The following LRP6 variants were observed in gnomAD, a reference collection of about 807,000 sequenced individuals.
LRP6 encodes the protein low-density lipoprotein receptor-related protein 6.
A neutral mutation model predicts 184.1 loss-of-function variants in LRP6; 43 were observed. The observed-to-expected ratio is 0.23, with a 90% CI of 0.18 to 0.30. LRP6 has a LOEUF of 0.30. LRP6 is among the 10% of genes least tolerant of loss of function. The pLI, the probability that LRP6 is intolerant of heterozygous loss-of-function variation, is 1.00. For missense variants in LRP6, 1,571 were observed against 2,005.3 expected (o/e 0.78, Z 4.14); for synonymous variants, 719 against 684.9 (o/e 1.05, Z -0.78).
chr12:12,172,391 C>T (rs953604806), intron 7 of LRP6, among the ~76,000 whole-genome samples: 1 of 152,220 alleles, frequency 6.6e-6, no homozygotes, highest in Non-Finnish European at 1.5e-5. Context: ...ATTTCATCAG[C>T]TCATTAAATG....
At position 12,244,648 on chromosome 12, in the gene LRP6, A is replaced by T. The variant is rs149735935; in HGVS notation, c.63T>A (p.Pro21=). 352 of 1,613,894 alleles carry T rather than the reference A, an allele frequency of 2.2e-4. 1 individual carries two copies. Among genetic ancestry groups the T allele is most frequent in the Non-Finnish European group, 2.8e-5 (33 of 1,180,010 alleles). ...CSFCVLLRAA[P]LLLYANRRDL... ...CCCGTCTGTTTGCATAAAGCAACAA[A>T]GGGGCCGCTAGAACAAAAAAAGAAA... The change falls in exon 2 of 23, where the codon CCT becomes CCA. Residue 21 remains proline, a synonymous_variant. Coordinates refer to ENST00000261349, the MANE Select transcript of LRP6 (RefSeq NM_002336.3).
At chr12:12,130,589 C>T (rs1439938940) in intron 19 of LRP6, among the ~76,000 whole-genome samples, 194 bp downstream of exon 19, 1 of 152,132 alleles carries the variant, frequency 6.6e-6, no homozygotes, top group East Asian at 1.9e-4. Context: ...GTGAAGATTT[C>T]TGTGCATAAG....
chr12:12,214,819 C>T (rs368683073), intron 2 of LRP6, among the ~76,000 whole-genome samples: 4 of 152,338 alleles, frequency 2.6e-5, no homozygotes, highest in East Asian at 3.9e-4. Context: ...TTGAATCTTA[C>T]ATTTGTTTTA....
intron 7 of LRP6, among the ~76,000 whole-genome samples, chr12:12,174,930 T>A (rs1252962531): frequency 2.6e-5 from 4 of 152,240 alleles, no homozygotes; most frequent in Non-Finnish European, 5.9e-5. Context: ...GGACATTGTA[T>A]CCTCTTAAAG....
chr12:12,148,579 A>C (rs1341911459), intron 14 of LRP6, among the ~76,000 whole-genome samples: 2 of 152,222 alleles, frequency 1.3e-5, no homozygotes, highest in Non-Finnish European at 2.9e-5. Flanking sequence ...GAAAGGACTA[A>C]GTATAACTTA....
At chr12:12,197,204 A>G (rs1863785381) in intron 3 of LRP6, among the ~76,000 whole-genome samples, 1 of 152,216 alleles carries the variant, frequency 6.6e-6, no homozygotes, top group African/African-American at 2.4e-5. Context: ...GGAATTCTAC[A>G]GTCATTTCTC....
intron 15 of LRP6, among the ~76,000 whole-genome samples, chr12:12,145,631 T>C (rs1406187174): frequency 7.1e-5 from 9 of 126,082 alleles, no homozygotes; most frequent in Admixed American, 2.2e-4. Flanking sequence ...TTTCTTTTTT[T>C]TTTTTTTTTT....
intron 5 of LRP6, among the ~76,000 whole-genome samples, chr12:12,181,889 C>T (rs1417002547): frequency 1.3e-5 from 2 of 152,122 alleles, no homozygotes; most frequent in Non-Finnish European, 2.9e-5. Flanking sequence ...GTGATAACTG[C>T]GTAACTCTGT....
At chr12:12,254,564 ATTATTT>A (rs1283831854) in intron 1 of LRP6, among the ~76,000 whole-genome samples, 1 of 152,130 alleles carries the variant, frequency 6.6e-6, no homozygotes, top group East Asian at 1.9e-4. Flanking sequence ...AAAAACTCTT[ATTATTT>A]TTATTTTCAT....
chr12:12,229,861 A>G (rs1210961815), intron 2 of LRP6, among the ~76,000 whole-genome samples: 1 of 152,318 alleles, frequency 6.6e-6, no homozygotes, highest in Non-Finnish European at 1.5e-5. Flanking sequence ...TTTGGCCTCA[A>G]TTAGCTTTAT....
At chr12:12,210,667 G>A (rs1303214054) in intron 2 of LRP6, among the ~76,000 whole-genome samples, 1 of 152,182 alleles carries the variant, frequency 6.6e-6, no homozygotes, top group Non-Finnish European at 1.5e-5. Flanking sequence ...AAGTAACTCT[G>A]AAAGGACCTA....
intron 2 of LRP6, among the ~76,000 whole-genome samples, chr12:12,210,171 T>C (rs1482336830): frequency 1.3e-5 from 2 of 152,132 alleles, no homozygotes; most frequent in Non-Finnish European, 2.9e-5. Context: ...AGGGACTGGC[T>C]AGAGGAAGAA....
rs1345211383 is a variant in LRP6 at position 12,179,887 on chromosome 12, C to T, written c.1468G>A (p.Gly490Ser). Reference protein sequence around the residue: ...DRVVLVNTSLGWPNGLALDYD... With the variant: ...DRVVLVNTSLSWPNGLALDYD... ...TCCAAGGCTAAACCATTTGGCCAACCAAGAGAAGTGTTAACCAATACTACA... is the reference window on the plus strand; with the variant it reads ...TCCAAGGCTAAACCATTTGGCCAACTAAGAGAAGTGTTAACCAATACTACA... Residue 490 changes from glycine (G) to serine (S), a missense_variant, in exon 7 of 23, where the codon GGT becomes AGT. Physicochemically the swap from Gly to Ser is moderately conservative, Grantham distance 56. This residue lies in a region of LRP6 where 640 missense variants were observed against 851.9 expected (regional missense o/e 0.75). Transcript: ENST00000261349. 1.2e-6 allele frequency: 2 copies of T among 1,613,854 alleles called. No homozygotes were observed. Among genetic ancestry groups the T allele is most frequent in the Non-Finnish European group, 8.5e-7 (1 of 1,179,862 alleles).
intron 14 of LRP6, among the ~76,000 whole-genome samples, chr12:12,148,490 T>C (rs777259974): frequency 1.3e-5 from 2 of 152,184 alleles, no homozygotes; most frequent in South Asian, 2.1e-4. Flanking sequence ...AAAGAAAGCA[T>C]ACTAGTTCTC....
chr12:12,249,974 A>G (rs975518483), intron 1 of LRP6, among the ~76,000 whole-genome samples: 1 of 152,132 alleles, frequency 6.6e-6, no homozygotes, highest in Admixed American at 6.5e-5. Flanking sequence ...CTAGTCTGAC[A>G]ATTACTGTCT....
intron 2 of LRP6, among the ~76,000 whole-genome samples, chr12:12,208,979 A>G (rs1373650753): frequency 1.3e-5 from 2 of 152,236 alleles, no homozygotes; most frequent in Non-Finnish European, 2.9e-5. Context: ...TCTTTTCTCT[A>G]TTAATGCATA....
At position 12,162,248 on chromosome 12, in the gene LRP6, A is replaced by C; in HGVS notation, c.2224T>G (p.Leu742Val). The C allele has an allele frequency of 6.2e-7, 1 of 1,614,162 alleles. No homozygotes were observed. Among genetic ancestry groups the C allele is most frequent in the Non-Finnish European group, 8.5e-7 (1 of 1,180,020 alleles). ...SKLDGQHRQV[L>V]VWKDLDSPRA... ...GGACTATCTAGGTCTTTCCACACCA[A>C]AACTTGTCGGTGCTGCCCATCCAAC... Residue 742 changes from leucine (L) to valine (V), a missense_variant, in exon 10 of 23, where the codon TTG becomes GTG. Around this residue, in one of 4 missense-constraint regions of LRP6, gnomAD observed 158 missense variants for 258.4 expected, o/e 0.61. Transcript: ENST00000261349.
At chr12:12,260,910 T>TA (rs1437846147) in intron 1 of LRP6, among the ~76,000 whole-genome samples, 3 of 152,216 alleles carry the variant, frequency 2.0e-5, no homozygotes, top group African/African-American at 7.2e-5. Flanking sequence ...ACCCATGGCC[T>TA]AAATAGCACT....
At chr12:12,132,579 T>C (rs1378211435) in intron 17 of LRP6, among the ~76,000 whole-genome samples, 1 of 152,182 alleles carries the variant, frequency 6.6e-6, no homozygotes, top group African/African-American at 2.4e-5. Context: ...GAATAAAACT[T>C]GGTACCTTAG....
Sources: allele counts gnomAD v4.1 joint callset (sites outside exome capture counted in the v4.1 genomes callset), GRCh38; gene constraint gnomAD v4.1.1; regional missense constraint gnomAD v4.1.1; transcripts MANE v1.5; gene names NCBI Gene and HGNC (gene_info 2026-07-23, HGNC 2026-07-21).